ARHGAP28: variants seen among roughly 807,000 people sequenced by gnomAD.
ARHGAP28 encodes Rho GTPase activating protein 28.
In ARHGAP28, 56 loss-of-function variants were observed where a neutral mutation model predicts 90.7. The observed-to-expected ratio is 0.62, with a 90% CI of 0.50 to 0.77. The LOEUF (loss-of-function observed/expected upper bound fraction) is 0.77, where lower values mean the gene tolerates loss of function less well. Ranked by LOEUF, ARHGAP28 falls within the 30% of genes least tolerant of loss-of-function variation. The pLI is 0.00. For synonymous variants in ARHGAP28, 308 were observed against 323.3 expected (o/e 0.95, Z 0.51); for missense variants, 869 against 900.9 (o/e 0.96, Z 0.45).
intron 4 of ARHGAP28, among the ~76,000 whole-genome samples, chr18:6,856,020 C>A (rs2056950734): frequency 6.6e-6 from 1 of 152,356 alleles, no homozygotes; most frequent in South Asian, 2.1e-4. Flanking sequence ...CGAGTGCAGC[C>A]TGCTGGGCCA....
At chr18:6,828,062 T>C (rs1049067515) in intron 2 of ARHGAP28, among the ~76,000 whole-genome samples, 2 of 152,028 alleles carry the variant, frequency 1.3e-5, no homozygotes, top group African/African-American at 2.4e-5. Context: ...CTGGGCACCA[T>C]TGAGCACTGA....
chr18:6,862,179 G>C (rs2057003809), intron 5 of ARHGAP28, among the ~76,000 whole-genome samples: 1 of 152,156 alleles, frequency 6.6e-6, no homozygotes, highest in African/African-American at 2.4e-5. Flanking sequence ...TTTGGGCCCT[G>C]TGCTTCTTGG....
intron 1 of ARHGAP28, among the ~76,000 whole-genome samples, chr18:6,750,926 T>G (rs1172285145): frequency 6.6e-6 from 1 of 152,206 alleles, no homozygotes; most frequent in Non-Finnish European, 1.5e-5. Context: ...GTCTAGATTA[T>G]TTCCTTTATG....
At position 6,767,121 on chromosome 18, in the gene ARHGAP28, C is replaced by T. The variant is rs78696914; in HGVS notation, c.122+37178C>T. On this transcript the variant is annotated intron_variant, in intron 1 of 17. Coordinates refer to ENST00000383472, the MANE Select transcript of ARHGAP28 (RefSeq NM_001366230.1). ...TTTTATTTTATCTCTACTCTTTTAG[C>T]TCTTTGTTCATTATTTTTCGTGATG... Among the ~76,000 whole-genome samples the T allele has an allele frequency of 1.5e-3, 223 of 151,924 alleles. 4 individuals carry two copies. The East Asian group carries it at 0.042, about 28-fold the overall frequency.
chr18:6,750,101 C>T (rs1426326593), intron 1 of ARHGAP28, among the ~76,000 whole-genome samples: 3 of 152,132 alleles, frequency 2.0e-5, no homozygotes, highest in South Asian at 2.1e-4. Context: ...GTCTCTGGGT[C>T]TGTGTGCGTG....
At chr18:6,740,544 C>T (rs896593215) in intron 1 of ARHGAP28, among the ~76,000 whole-genome samples, 2 of 152,142 alleles carry the variant, frequency 1.3e-5, no homozygotes, top group African/African-American at 4.8e-5. Context: ...CATAATGGCC[C>T]TCAGGCTCTG....
chr18:6,888,410 C>T (rs1351214715), intron 12 of ARHGAP28, among the ~76,000 whole-genome samples: 2 of 152,128 alleles, frequency 1.3e-5, no homozygotes, highest in Non-Finnish European at 2.9e-5. Context: ...AAAGATGGTT[C>T]TTAGTGCTGC....
At chr18:6,798,255 G>T (rs534705413) in intron 1 of ARHGAP28, among the ~76,000 whole-genome samples, 61 of 152,096 alleles carry the variant, frequency 4.0e-4, no homozygotes, top group Non-Finnish European at 6.8e-4. Flanking sequence ...GTGCAATGGC[G>T]CAATCTCTGC....
intron 1 of ARHGAP28, among the ~76,000 whole-genome samples, chr18:6,737,801 TA>T (rs770490251): frequency 2.1e-4 from 32 of 152,138 alleles, no homozygotes; most frequent in Admixed American, 5.9e-4. Context: ...AAGTGGGAAA[TA>T]AAAAAAGTAG....
chr18:6,747,125 A>G (rs1209752998), intron 1 of ARHGAP28, among the ~76,000 whole-genome samples: 2 of 149,530 alleles, frequency 1.3e-5, no homozygotes, highest in African/African-American at 2.5e-5. Flanking sequence ...TGAAGCCACC[A>G]TGAAAGAGCA....
chr18:6,898,879 CAG>C (rs1247808049), intron 16 of ARHGAP28, among the ~76,000 whole-genome samples: 1 of 151,668 alleles, frequency 6.6e-6, no homozygotes, highest in Admixed American at 6.6e-5. Flanking sequence ...TTTGGGGAGT[CAG>C]GGGCAAAAGG....
intron 1 of ARHGAP28, among the ~76,000 whole-genome samples, chr18:6,808,454 C>A (rs1007883731): frequency 1.3e-5 from 2 of 151,468 alleles, no homozygotes; most frequent in Non-Finnish European, 2.9e-5. Flanking sequence ...CTTTCTTTTT[C>A]ATTTATTAAG....
intron 1 of ARHGAP28, among the ~76,000 whole-genome samples, chr18:6,796,860 C>A (rs555129226): frequency 6.6e-6 from 1 of 152,052 alleles, no homozygotes; most frequent in South Asian, 2.1e-4. Flanking sequence ...ATATTTTATT[C>A]AAAAATAATT....
chr18:6,731,656 A>G (rs4798487), intron 1 of ARHGAP28, among the ~76,000 whole-genome samples: 39,496 of 152,074 alleles, frequency 0.26, 5,887 homozygotes, highest in South Asian at 0.33. Flanking sequence ...TCTGCTGCAG[A>G]ACCCCCTGGC....
At chr18:6,859,724 T>C in intron 4 of ARHGAP28, 84 bp from the exon 5 acceptor site, 1 of 1,308,270 alleles carries the variant, frequency 7.6e-7, no homozygotes, top group Non-Finnish European at 1.1e-6. Context: ...CACACATATC[T>C]CAGTATGAAC....
chr18:6,826,683 CTTTTTTT>C (rs36069648), intron 2 of ARHGAP28, among the ~76,000 whole-genome samples: 1 of 88,262 alleles, frequency 1.1e-5, no homozygotes, highest in African/African-American at 4.5e-5. Context: ...GGATTTTGAG[CTTTTTTT>C]TTTTTTTTTT....
chr18:6,844,016 A>G (rs1381841117), intron 3 of ARHGAP28, among the ~76,000 whole-genome samples: 1 of 152,150 alleles, frequency 6.6e-6, no homozygotes, highest in Non-Finnish European at 1.5e-5. Context: ...ACCCAAATAC[A>G]TTTTCCAACA....
Position 6,908,094 on chromosome 18 carries a change from TTTTATTTTATTTTATAG to T in ARHGAP28, c.2031-852_2031-836del, listed in dbSNP as rs1411990025. ...TGAGCGATAGTTTCCTGTGACTTGCTTTTATTTTATTTTATAGTTTATTTTATTTTGTTTTATTTTAT... is the reference window on the plus strand; with the variant it reads ...TGAGCGATAGTTTCCTGTGACTTGCTTTTATTTTATTTTGTTTTATTTTAT... On this transcript the variant is annotated intron_variant, in intron 16 of 17. Coordinates refer to ENST00000383472, the MANE Select transcript of ARHGAP28 (RefSeq NM_001366230.1). 3.7e-3 allele frequency among the ~76,000 whole-genome samples: 563 copies of T among 151,834 alleles called. 4 individuals carry two copies. The highest frequency in any genetic ancestry group is 4.0e-3 in the Admixed American group (61 of 15,234).
In ARHGAP28 at chr18:6,851,055, C is replaced by T. The variant is rs749554860; in HGVS notation, c.565C>T (p.His189Tyr). ...ESPPRDTCGN[H>Y]TNQLDGTKEE... ...TTAGCCTCGTGATACCTGTGGCAACCACACTAATCAGCTGGATGGCACCAA... is the reference window on the plus strand; with the variant it reads ...TTAGCCTCGTGATACCTGTGGCAACTACACTAATCAGCTGGATGGCACCAA... The change falls in exon 4 of 18, where the codon CAC becomes TAC. Residue 189 changes from histidine to tyrosine, a missense_variant. Coordinates refer to ENST00000383472, the MANE Select transcript of ARHGAP28 (RefSeq NM_001366230.1). The T allele has an allele frequency of 2.9e-5, 47 of 1,613,950 alleles. No homozygotes were observed. The Middle Eastern group carries it at 9.9e-4, about 34-fold the overall frequency.
Sources: allele counts gnomAD v4.1 joint callset (sites outside exome capture counted in the v4.1 genomes callset), GRCh38; gene constraint gnomAD v4.1.1; transcripts MANE v1.5; gene names NCBI Gene and HGNC (gene_info 2026-07-23, HGNC 2026-07-21).